Variants in AFAP1L1 observed in about 807,000 individuals in gnomAD.
AFAP1L1 encodes the protein actin filament-associated protein 1-like 1.
AFAP1L1 carries 77 observed loss-of-function variants against 99.8 expected under a neutral mutation model. The ratio of observed to expected loss-of-function variants is 0.77; its 90% CI spans 0.64 to 0.93. AFAP1L1 has a LOEUF of 0.93. Ranked by LOEUF, AFAP1L1 falls within the 40% of genes least tolerant of loss-of-function variation. The pLI is 0.00. For synonymous variants in AFAP1L1, 373 were observed against 395.3 expected, an observed-to-expected ratio of 0.94 and a Z score of 0.67; for missense variants, 893 against 996.8, an observed-to-expected ratio of 0.90 and a Z score of 1.40.
chr5:149,321,722 C>CAAAAAAAAAAAAA (rs57366142), intron 14 of AFAP1L1, among the ~76,000 whole-genome samples: 1 of 63,768 alleles, frequency 1.6e-5, no homozygotes, highest in Non-Finnish European at 2.9e-5. Flanking sequence ...GACTCTGTCT[C>CAAAAAAAAAAAAA]AAAAAAAAAA....
rs1359273350 is a variant in AFAP1L1 at position 149,302,399 on chromosome 5, C to CT, written c.328-13dup. ...TACCCTGCTCCGCTCCCCTAGCCCT[C>CT]TTTTTTGTCCCCTTGCAGGCGGCCG... On this transcript the variant is annotated intron_variant, in intron 4 of 18. Transcript: ENST00000296721. 1 of 1,557,308 alleles carries CT rather than the reference C, an allele frequency of 6.4e-7. No individual in the cohort carries two copies. The highest frequency in any genetic ancestry group is 1.4e-5 in the African/African-American group (1 of 73,782).
intron 1 of AFAP1L1, chr5:149,276,928 C>G (rs965115257): frequency 6.6e-6 from 1 of 152,250 alleles, no homozygotes; most frequent in African/African-American, 2.4e-5. Context: ...AATGACATTG[C>G]TGAGTGACTG....
chr5:149,309,000 A>G (rs1413965962), intron 7 of AFAP1L1, among the ~76,000 whole-genome samples: 1 of 151,888 alleles, frequency 6.6e-6, no homozygotes, highest in African/African-American at 2.4e-5. Flanking sequence ...AGTCCCAGCT[A>G]CTTAGGAGTC....
chr5:149,293,763 C>T (rs764421582), intron 1 of AFAP1L1, among the ~76,000 whole-genome samples: 5 of 152,322 alleles, frequency 3.3e-5, no homozygotes, highest in Admixed American at 6.5e-5. Context: ...GTTCGAAGCA[C>T]GGTGCCATGC....
Position 149,320,273 on chromosome 5 carries a change from A to G in AFAP1L1, c.1626-118A>G. ...GCTGCCTGCCATCTTGCTTTTACCAATCTTCTGATCTGCCTTAAGAGTTTC... is the reference window on the plus strand; with the variant it reads ...GCTGCCTGCCATCTTGCTTTTACCAGTCTTCTGATCTGCCTTAAGAGTTTC... On this transcript the variant is annotated intron_variant, in intron 13 of 18. Coordinates refer to ENST00000296721, the MANE Select transcript of AFAP1L1 (RefSeq NM_152406.4). The surrounding 1 kb of genome is among the most constrained non-coding windows in gnomAD (Gnocchi z 4.0). 1.0e-6 allele frequency: 1 copy of G among 977,296 alleles called. No homozygotes were observed. Among genetic ancestry groups the G allele is most frequent in the East Asian group, 2.6e-5 (1 of 38,876 alleles). The allele number at this position is 977,296 out of a possible 1,614,324, so 60.5% of individuals were successfully genotyped here.
At chr5:149,296,566 A>G (rs1354008013) in intron 1 of AFAP1L1, among the ~76,000 whole-genome samples, 1 of 150,940 alleles carries the variant, frequency 6.6e-6, no homozygotes, top group African/African-American at 2.5e-5. Flanking sequence ...ATTACCTATG[A>G]GGGAATACGC....
chr5:149,329,215 T>G (rs1258384147), intron 15 of AFAP1L1, among the ~76,000 whole-genome samples: 1 of 152,220 alleles, frequency 6.6e-6, no homozygotes, highest in Non-Finnish European at 1.5e-5. Context: ...CTATACTAAG[T>G]GCTTTTCATT....
At position 149,332,825 on chromosome 5, in the gene AFAP1L1, A is replaced by C. The variant is rs1323732398; in HGVS notation, c.2106A>C (p.Ala702=). 1 of 1,611,638 alleles carries C rather than the reference A, an allele frequency of 6.2e-7. No individual in the cohort carries two copies. Among genetic ancestry groups the C allele is most frequent in the East Asian group, 2.2e-5 (1 of 44,862 alleles). The change falls in exon 17 of 19, where the codon GCA becomes GCC. Residue 702 remains alanine (A), a synonymous_variant. Transcript: ENST00000296721. ...AVKERLQQSL[A]GGPALGLSVS... ...AGGAGCGCTTGCAGCAGTCCCTGGCAGGAGGGCCAGCCCTGGGGCTCTCCG... is the reference window on the plus strand; with the variant it reads ...AGGAGCGCTTGCAGCAGTCCCTGGCCGGAGGGCCAGCCCTGGGGCTCTCCG...
chr5:149,276,001 CTCAT>C (rs34876986), intron 1 of AFAP1L1, among the ~76,000 whole-genome samples: 65 of 152,334 alleles, frequency 4.3e-4, no homozygotes, highest in African/African-American at 1.5e-3. Flanking sequence ...CATTAATTTG[CTCAT>C]TCATTCTCCA....
chr5:149,274,108 C>A (rs1322782479), intron 1 of AFAP1L1, among the ~76,000 whole-genome samples: 1 of 152,156 alleles, frequency 6.6e-6, no homozygotes, highest in Non-Finnish European at 1.5e-5. Flanking sequence ...TTTCTTTACA[C>A]CTCTTGTCAC....
At chr5:149,321,045 C>G (rs1360793779) in intron 14 of AFAP1L1, among the ~76,000 whole-genome samples, 1 of 152,218 alleles carries the variant, frequency 6.6e-6, no homozygotes, top group Non-Finnish European at 1.5e-5. Context: ...TCCAATCAGA[C>G]GCTGGTGGGT....
Position 149,321,952 on chromosome 5 carries a change from G to A in AFAP1L1, c.1699-654G>A, listed in dbSNP as rs537750885. Among the ~76,000 whole-genome samples, 83 of 152,252 alleles carry A rather than the reference G, an allele frequency of 5.5e-4. 1 individual carries two copies. Among genetic ancestry groups the A allele is most frequent in the African/African-American group, 2.0e-3 (83 of 41,536 alleles). On this transcript the variant is annotated intron_variant, in intron 14 of 18. Transcript: ENST00000296721. The stretch of plus-strand genomic sequence containing the variant: ...AGGCTGAGGTGGGAGGATCACTTGA[G>A]TCCAGGAGGTTGAGGCTGCAGTCAG...
intron 1 of AFAP1L1, among the ~76,000 whole-genome samples, chr5:149,286,012 C>A (rs1215593065): frequency 6.6e-6 from 1 of 152,142 alleles, no homozygotes; most frequent in Non-Finnish European, 1.5e-5. Context: ...CAGTGGACAT[C>A]GAACAAGTCA....
chr5:149,307,811 C>CCTTTCTTTCTCT (rs1756470519), intron 7 of AFAP1L1, among the ~76,000 whole-genome samples, 198 bp downstream of exon 7: 29 of 21,128 alleles, frequency 1.4e-3, no homozygotes, highest in African/African-American at 4.1e-3. Flanking sequence ...ACACCCTGTG[C>CCTTTCTTTCTCT]CTCTCTTTCT....
intron 1 of AFAP1L1, among the ~76,000 whole-genome samples, chr5:149,276,993 A>T (rs954767127): frequency 4.6e-5 from 7 of 152,216 alleles, no homozygotes; most frequent in African/African-American, 1.7e-4. Context: ...GACTGTGGCT[A>T]TGTCATCACA....
chr5:149,325,673 T>C (rs1239452593), intron 15 of AFAP1L1, among the ~76,000 whole-genome samples: 2 of 152,232 alleles, frequency 1.3e-5, no homozygotes, highest in African/African-American at 4.8e-5. Flanking sequence ...ATTTGTTTTG[T>C]GCTGCTATAA....
chr5:149,306,460 C>A, intron 6 of AFAP1L1, 56 bp downstream of exon 6: 3 of 1,499,342 alleles, frequency 2.0e-6, no homozygotes, highest in Non-Finnish European at 2.7e-6. Flanking sequence ...TTGCAAAGAG[C>A]AGGCCTTGTC....
chr5:149,297,921 T>G (rs1756068061), intron 1 of AFAP1L1, among the ~76,000 whole-genome samples: 3 of 152,250 alleles, frequency 2.0e-5, no homozygotes, highest in Non-Finnish European at 2.9e-5. Context: ...GCATTCACTC[T>G]GTGCTGGGCA....
intron 1 of AFAP1L1, among the ~76,000 whole-genome samples, chr5:149,295,318 C>T (rs1368417010): frequency 6.6e-6 from 1 of 152,194 alleles, no homozygotes; most frequent in South Asian, 2.1e-4. Context: ...AGGAAGGAAA[C>T]AAAAAAGGTA....
Sources: allele counts gnomAD v4.1 joint callset (sites outside exome capture counted in the v4.1 genomes callset), GRCh38; gene constraint gnomAD v4.1.1; non-coding constraint Gnocchi (gnomAD v3.1); transcripts MANE v1.5; gene names NCBI Gene and HGNC (gene_info 2026-07-23, HGNC 2026-07-21).